Variants in ARAP2 observed in about 807,000 individuals in gnomAD.
ARAP2 encodes the protein arf-GAP with Rho-GAP domain, ANK repeat and PH domain-containing protein 2.
A neutral mutation model predicts 194.5 loss-of-function variants in ARAP2; 148 were observed. The ratio of observed to expected loss-of-function variants is 0.76; its 90% CI spans 0.67 to 0.87. The LOEUF (loss-of-function observed/expected upper bound fraction) is 0.87. Among genes scored for constraint, ARAP2 ranks in the 40% least tolerant of loss-of-function variants. The pLI, the probability that ARAP2 is intolerant of heterozygous loss-of-function variation, is 0.00. For missense variants in ARAP2, 2,128 were observed against 1,989.7 expected, an observed-to-expected ratio of 1.07 and a Z score of -1.32; for synonymous variants, 695 against 683.5, an observed-to-expected ratio of 1.02 and a Z score of -0.26.
At chr4:36,209,684 G>C (rs7693370) in intron 6 of ARAP2, among the ~76,000 whole-genome samples, 1 of 152,124 alleles carries the variant, frequency 6.6e-6, no homozygotes, top group Admixed American at 6.5e-5. Context: ...AATCTCAAAA[G>C]AATTTAATAA....
chr4:36,036,462 A>T (rs139831744), intron 5 of ARAP2, among the ~76,000 whole-genome samples: 127 of 152,242 alleles, frequency 8.3e-4, no homozygotes, highest in Non-Finnish European at 1.3e-3. Context: ...TGAATTTATT[A>T]CATTCTTCAA....
intron 27 of ARAP2, among the ~76,000 whole-genome samples, chr4:36,099,908 T>G (rs1387775759): frequency 1.3e-5 from 2 of 152,078 alleles, no homozygotes; most frequent in Non-Finnish European, 2.9e-5. Context: ...ACATAATTTT[T>G]CTGTGTTGCA....
At chr4:36,180,140 A>G (rs1021010387) in intron 8 of ARAP2, among the ~76,000 whole-genome samples, 2 of 152,070 alleles carry the variant, frequency 1.3e-5, no homozygotes, top group African/African-American at 4.8e-5. Flanking sequence ...TTAGCTGGGC[A>G]TGGTGGCAGT....
At chr4:36,183,320 C>G (rs148166396) in intron 8 of ARAP2, among the ~76,000 whole-genome samples, 2,769 of 151,694 alleles carry the variant, frequency 0.018, 41 homozygotes, top group South Asian at 0.052. Flanking sequence ...TTTTCCATAT[C>G]AGTATCAGAG....
intron 9 of ARAP2, among the ~76,000 whole-genome samples, chr4:36,170,909 A>C (rs1271266264): frequency 6.6e-6 from 1 of 152,132 alleles, no homozygotes; most frequent in African/African-American, 2.4e-5. Flanking sequence ...TGGTCTAAAA[A>C]TGAGATAACA....
chr4:36,212,645 GTT>G (rs1427885030), intron 4 of ARAP2, among the ~76,000 whole-genome samples, 158 bp from the exon 5 acceptor site: 2 of 143,430 alleles, frequency 1.4e-5, no homozygotes, highest in Non-Finnish European at 3.0e-5. Context: ...AGAAAAAAAA[GTT>G]AGTCTACATT....
At chr4:36,151,903 T>C in intron 15 of ARAP2, among the ~76,000 whole-genome samples, 1 of 152,188 alleles carries the variant, frequency 6.6e-6, no homozygotes, top group East Asian at 1.9e-4. Flanking sequence ...AAAATGTATA[T>C]GAGAATTATT....
chr4:36,083,035 G>T (rs1329617458), intron 29 of ARAP2, among the ~76,000 whole-genome samples: 1 of 152,114 alleles, frequency 6.6e-6, no homozygotes, highest in Non-Finnish European at 1.5e-5. Flanking sequence ...GATGCCCTCA[G>T]GTTGTGATGT....
intron 15 of ARAP2, among the ~76,000 whole-genome samples, chr4:36,156,898 G>A (rs537333502): frequency 2.6e-5 from 4 of 152,120 alleles, no homozygotes; most frequent in Middle Eastern, 3.4e-3. Flanking sequence ...TACAGATAAC[G>A]CATCAGTTTC....
intron 6 of ARAP2, among the ~76,000 whole-genome samples, chr4:36,206,408 A>G (rs1391825896): frequency 6.6e-6 from 1 of 152,192 alleles, no homozygotes; most frequent in East Asian, 1.9e-4. Flanking sequence ...TCCATCTTCA[A>G]TAAAATAACT....
chr4:36,089,646 G>C (rs942945806), intron 28 of ARAP2, among the ~76,000 whole-genome samples: 6 of 152,064 alleles, frequency 3.9e-5, no homozygotes, highest in African/African-American at 1.4e-4. Context: ...GTGTAAAATA[G>C]TGTCTTGTGG....
intron 5 of ARAP2, among the ~76,000 whole-genome samples, chr4:36,031,634 C>A (rs976355315): frequency 2.0e-5 from 3 of 150,276 alleles, no homozygotes; most frequent in Non-Finnish European, 4.4e-5. Flanking sequence ...AAAAATGTTT[C>A]TTTAGTTTGT....
intron 19 of ARAP2, among the ~76,000 whole-genome samples, chr4:36,138,346 C>T (rs1727352866): frequency 6.6e-6 from 1 of 151,678 alleles, no homozygotes; most frequent in African/African-American, 2.4e-5. Flanking sequence ...ACAATGTTCA[C>T]TCATAACTCT....
intron 6 of ARAP2, among the ~76,000 whole-genome samples, chr4:36,206,596 T>C (rs1200799774): frequency 6.6e-6 from 1 of 152,240 alleles, no homozygotes; most frequent in Non-Finnish European, 1.5e-5. Context: ...TTTGAAGAAA[T>C]GCTTTCTCAA....
intron 1 of ARAP2, among the ~76,000 whole-genome samples, chr4:36,238,140 G>A (rs1268467250): frequency 1.3e-5 from 2 of 152,098 alleles, no homozygotes; most frequent in Non-Finnish European, 1.5e-5. Flanking sequence ...CTTACAGGAA[G>A]CCCAGTTCCC....
chr4:36,086,385 A>G (rs556348783), intron 28 of ARAP2, among the ~76,000 whole-genome samples: 2 of 152,252 alleles, frequency 1.3e-5, no homozygotes, highest in South Asian at 4.1e-4. Flanking sequence ...ATGCAGGCTC[A>G]TTACTTTATA....
chr4:36,194,497 T>G (rs1019006905), intron 6 of ARAP2, among the ~76,000 whole-genome samples: 1 of 152,204 alleles, frequency 6.6e-6, no homozygotes, highest in Non-Finnish European at 1.5e-5. Context: ...AAATATCAAC[T>G]CTGTCTACCT....
At chr4:36,176,223 T>G (rs1035504413) in intron 9 of ARAP2, among the ~76,000 whole-genome samples, 1 of 89,252 alleles carries the variant, frequency 1.1e-5, no homozygotes, top group African/African-American at 3.9e-5. Context: ...ATCCTCATTT[T>G]CCTCATCTAC....
chr4:36,130,452 CA>C (rs1340413993), intron 20 of ARAP2, among the ~76,000 whole-genome samples: 3 of 151,842 alleles, frequency 2.0e-5, no homozygotes, highest in African/African-American at 4.8e-5. Context: ...TACCTTGGCA[CA>C]CACTGTTTCT....
Sources: allele counts gnomAD v4.1 joint callset (sites outside exome capture counted in the v4.1 genomes callset), GRCh38; gene constraint gnomAD v4.1.1; transcripts MANE v1.5; gene names NCBI Gene and HGNC (gene_info 2026-07-23, HGNC 2026-07-21).